CLSTN2: variants seen among roughly 807,000 people sequenced by gnomAD.
CLSTN2 encodes the protein calsyntenin-2.
In CLSTN2, 48 loss-of-function variants were observed where a neutral mutation model predicts 101.2. The observed-to-expected ratio is 0.47, with a 90% CI of 0.38 to 0.60. The LOEUF (loss-of-function observed/expected upper bound fraction) is 0.60, where lower values mean the gene tolerates loss of function less well. CLSTN2 is among the 20% of genes least tolerant of loss of function. The pLI is 0.00. For missense variants in CLSTN2, 1,160 were observed against 1,238.2 expected, an observed-to-expected ratio of 0.94 and a Z score of 0.95; for synonymous variants, 481 against 463.6, an observed-to-expected ratio of 1.04 and a Z score of -0.48.
rs1934319630 is a variant in CLSTN2, at chr3:140,490,099, TATATATATATATATATATACACACAC to T, written c.1344+23370_1344+23395del. Among the ~76,000 whole-genome samples the T allele has an allele frequency of 5.7e-4, 9 of 15,696 alleles. 4 individuals carry two copies. Among genetic ancestry groups the T allele is most frequent in the Admixed American group, 1.3e-3 (2 of 1,506 alleles). 10.3% of individuals were successfully genotyped at this position (15,696 alleles called of 152,430 possible). ...GTGTGTGTGTGTGTGTATATATATA[TATATATATATATATATATACACACAC>T]ACACACACACACACACACACACACA... On this transcript the variant is annotated intron_variant, in intron 8 of 16. Transcript: ENST00000458420.
chr3:140,067,100 C>T (rs1326149861), intron 1 of CLSTN2, among the ~76,000 whole-genome samples: 1 of 152,094 alleles, frequency 6.6e-6, no homozygotes, highest in Non-Finnish European at 1.5e-5. Flanking sequence ...GTCTTATTCA[C>T]TCAAAGGGGA....
intron 2 of CLSTN2, among the ~76,000 whole-genome samples, chr3:140,387,610 T>C (rs1439507241): frequency 6.6e-6 from 1 of 152,244 alleles, no homozygotes; most frequent in Non-Finnish European, 1.5e-5. Context: ...AGGACTTCTC[T>C]CTGCCCGAAG....
intron 2 of CLSTN2, among the ~76,000 whole-genome samples, chr3:140,199,957 CACAA>C (rs2010696976): frequency 6.6e-6 from 1 of 152,194 alleles, no homozygotes; most frequent in African/African-American, 2.4e-5. Flanking sequence ...AAACACTATG[CACAA>C]ACACAGTTCA....
intron 2 of CLSTN2, among the ~76,000 whole-genome samples, chr3:140,372,049 TG>T (rs2087863770): frequency 6.6e-6 from 1 of 152,028 alleles, no homozygotes; most frequent in Non-Finnish European, 1.5e-5. Context: ...GGACCTTGGG[TG>T]GGGATATCCC....
chr3:140,538,716 C>T (rs1430558323), intron 9 of CLSTN2, among the ~76,000 whole-genome samples: 1 of 152,154 alleles, frequency 6.6e-6, no homozygotes, highest in Non-Finnish European at 1.5e-5. Flanking sequence ...TCCTGAGTCC[C>T]TAGGGTGTCT....
rs1259228300 is a variant in CLSTN2 at position 140,404,716 on chromosome 3, G to T, written c.587G>T (p.Cys196Phe). The T allele has an allele frequency of 6.2e-6, 10 of 1,614,088 alleles. No individual in the cohort carries two copies. The highest frequency in any genetic ancestry group is 8.5e-6 in the Non-Finnish European group (10 of 1,180,042). Residue 196 changes from cysteine to phenylalanine, a missense_variant, in exon 4 of 17, where the codon TGC (cysteine) becomes TTC (phenylalanine). Cys to Phe is a radical substitution (Grantham distance 205). Transcript: ENST00000458420. ...EDCSPQYSQI[C>F]NYEIVTTDVP... is the part of the protein sequence containing the mutation. Reference sequence around the variant, plus strand: ...TGCTCCCCACAGTACAGCCAGATCTGCAACTATGAAATCGTCACCACAGAT... The same window carrying T: ...TGCTCCCCACAGTACAGCCAGATCTTCAACTATGAAATCGTCACCACAGAT...
intron 8 of CLSTN2, among the ~76,000 whole-genome samples, chr3:140,476,373 TTTAGGC>T: frequency 6.6e-6 from 1 of 152,314 alleles, no homozygotes; most frequent in Non-Finnish European, 1.5e-5. Flanking sequence ...AATCATGCCA[TTTAGGC>T]AAAATGCCCA....
At chr3:140,088,615 C>T (rs2008717910) in intron 1 of CLSTN2, among the ~76,000 whole-genome samples, 1 of 152,184 alleles carries the variant, frequency 6.6e-6, no homozygotes, top group Non-Finnish European at 1.5e-5. Context: ...GCTGTCAGTA[C>T]CACCCCTGCC....
At chr3:140,006,237 G>A (rs1381453171) in intron 1 of CLSTN2, among the ~76,000 whole-genome samples, 1 of 152,154 alleles carries the variant, frequency 6.6e-6, no homozygotes, top group African/African-American at 2.4e-5. Flanking sequence ...AGACATTTTT[G>A]CATGTGCAAG....
At chr3:140,446,317 C>T (rs1373158686) in intron 5 of CLSTN2, among the ~76,000 whole-genome samples, 1 of 152,148 alleles carries the variant, frequency 6.6e-6, no homozygotes. Context: ...GGGATATTCT[C>T]CTTTACAATT....
At chr3:140,008,503 C>A (rs185260053) in intron 1 of CLSTN2, among the ~76,000 whole-genome samples, 1 of 152,312 alleles carries the variant, frequency 6.6e-6, no homozygotes, top group Admixed American at 6.5e-5. Flanking sequence ...TTGTGCAGGG[C>A]CTGGGACGCT....
At chr3:139,943,458 G>C (rs1011475677) in intron 1 of CLSTN2, among the ~76,000 whole-genome samples, 1 of 152,100 alleles carries the variant, frequency 6.6e-6, no homozygotes, top group Non-Finnish European at 1.5e-5. Flanking sequence ...TCCACGCTAA[G>C]GTCTGTAAGG....
intron 2 of CLSTN2, among the ~76,000 whole-genome samples, chr3:140,384,117 A>G (rs1172325042): frequency 1.3e-5 from 2 of 152,178 alleles, no homozygotes; most frequent in Non-Finnish European, 2.9e-5. Context: ...ACAGAAAAAA[A>G]TAAAAGGTAC....
At chr3:139,985,832 T>C (rs1316696640) in intron 1 of CLSTN2, among the ~76,000 whole-genome samples, 1 of 152,224 alleles carries the variant, frequency 6.6e-6, no homozygotes, top group Non-Finnish European at 1.5e-5. Flanking sequence ...ATGTTCTGTA[T>C]CTGTGCCATT....
chr3:140,485,611 G>A (rs1436757055), intron 8 of CLSTN2, among the ~76,000 whole-genome samples: 4 of 152,116 alleles, frequency 2.6e-5, no homozygotes, highest in African/African-American at 9.7e-5. Flanking sequence ...CACCCAGTTC[G>A]AGCTTCCCGG....
chr3:140,227,916 C>G (rs2086337321), intron 2 of CLSTN2, among the ~76,000 whole-genome samples: 1 of 152,192 alleles, frequency 6.6e-6, no homozygotes, highest in Non-Finnish European at 1.5e-5. Context: ...AGCATAGGTA[C>G]CCTGGGCCTG....
intron 2 of CLSTN2, among the ~76,000 whole-genome samples, chr3:140,268,223 A>G (rs956706792): frequency 2.0e-5 from 3 of 152,138 alleles, no homozygotes; most frequent in Non-Finnish European, 4.4e-5. Context: ...CCTTCAGAAG[A>G]GGGAGGAATC....
intron 1 of CLSTN2, among the ~76,000 whole-genome samples, chr3:140,125,141 G>C (rs910295053): frequency 2.0e-5 from 3 of 152,166 alleles, no homozygotes; most frequent in Non-Finnish European, 2.9e-5. Context: ...GTGGGTTGAG[G>C]GAGGATAGGG....
chr3:140,211,531 C>CTGTG (rs60408720), intron 2 of CLSTN2, among the ~76,000 whole-genome samples: 39,119 of 142,256 alleles, frequency 0.27, 5,537 homozygotes, highest in Non-Finnish European at 0.32. Flanking sequence ...GGATCAAAAT[C>CTGTG]TGTGTGTGTG....
Sources: allele counts gnomAD v4.1 joint callset (sites outside exome capture counted in the v4.1 genomes callset), GRCh38; gene constraint gnomAD v4.1.1; transcripts MANE v1.5; gene names NCBI Gene and HGNC (gene_info 2026-07-23, HGNC 2026-07-21).